CACNA2D4: variants seen among roughly 807,000 people sequenced by gnomAD.
CACNA2D4 encodes calcium voltage-gated channel auxiliary subunit alpha2delta 4.
In CACNA2D4, 157 loss-of-function variants were observed where a neutral mutation model predicts 163.8. That is an observed-to-expected ratio of 0.96 (90% CI 0.84 to 1.09). The LOEUF (loss-of-function observed/expected upper bound fraction) is 1.09. CACNA2D4 is among the 50% of genes least tolerant of loss of function. The pLI, the probability that CACNA2D4 is intolerant of heterozygous loss-of-function variation, is 0.00. For synonymous variants in CACNA2D4, 598 were observed against 586.9 expected (o/e 1.02, Z -0.27); for missense variants, 1,410 against 1,479.9 (o/e 0.95, Z 0.78).
intron 23 of CACNA2D4, among the ~76,000 whole-genome samples, chr12:1,847,480 G>A (rs1865173087): frequency 6.6e-6 from 1 of 152,152 alleles, no homozygotes; most frequent in Non-Finnish European, 1.5e-5. Context: ...GGTGGTACCC[G>A]GGACTGTAGT....
chr12:1,797,464 C>A lies in CACNA2D4; in HGVS notation c.3067G>T (p.Ala1023Ser). The change falls in exon 35 of 38, where the codon GCC becomes TCC. Residue 1023 changes from alanine (A) to serine (S), a missense_variant. By Grantham distance (99) the Ala-to-Ser change is moderately conservative (BLOSUM62 1). Transcript: ENST00000382722. ...TEYPVFVYQPAIREANGIVEC... is the reference protein window; with the variant it reads ...TEYPVFVYQPSIREANGIVEC... ...ACGATCCCGTTGGCCTCCCGGATGG[C>A]CGGCTGGTACACGAACACGGGGTAC... 1 of 1,583,930 alleles carries A rather than the reference C, an allele frequency of 6.3e-7. No individual in the cohort carries two copies. The highest frequency in any genetic ancestry group is 2.3e-5 in the East Asian group (1 of 43,466).
intron 1 of CACNA2D4, 38 bp downstream of exon 1, chr12:1,918,209 G>T (rs1592758225): frequency 6.8e-7 from 1 of 1,476,128 alleles, no homozygotes; most frequent in South Asian, 1.2e-5. Context: ...GGGAAAGGGT[G>T]ACCGGGTTTT....
rs1209435238 is a variant in CACNA2D4 at position 1,846,586 on chromosome 12, C to T, written c.2342+8G>A. 1.3e-6 allele frequency: 2 copies of T among 1,585,938 alleles called. No individual in the cohort carries two copies. Among genetic ancestry groups the T allele is most frequent in the South Asian group, 1.1e-5 (1 of 87,384 alleles). Reference sequence around the variant, plus strand: ...GATTGCCCTCCCGAGGTGGCCGGCCCAACCCACCTGTCGGAGACCTTCTCG... The same window carrying T: ...GATTGCCCTCCCGAGGTGGCCGGCCTAACCCACCTGTCGGAGACCTTCTCG... On this transcript the variant is annotated splice_region_variant and intron_variant, in intron 24 of 37. Transcript: ENST00000382722.
chr12:1,896,654 C>CACACAA (rs1555186444), intron 6 of CACNA2D4, among the ~76,000 whole-genome samples: 3 of 124,000 alleles, frequency 2.4e-5, no homozygotes, highest in African/African-American at 5.9e-5. Context: ...CACACACACA[C>CACACAA]AAAACAGATG....
chr12:1,884,178 G>C, intron 12 of CACNA2D4, 65 bp downstream of exon 12: 1 of 1,478,472 alleles, frequency 6.8e-7, no homozygotes, highest in Non-Finnish European at 9.3e-7. Context: ...CACTTCCAGG[G>C]CTGGGTAACC....
intron 6 of CACNA2D4, among the ~76,000 whole-genome samples, chr12:1,902,163 T>TTCC (rs1196680008): frequency 2.7e-5 from 4 of 149,882 alleles, no homozygotes; most frequent in African/African-American, 1.0e-4. Context: ...AATTCAACAT[T>TTCC]TCTTCATGGT....
chr12:1,840,452 GT>G lies in CACNA2D4; in HGVS notation c.2551+286del, dbSNP rs1485861349. Among the ~76,000 whole-genome samples the G allele has an allele frequency of 1.5e-3, 207 of 133,906 alleles. 2 individuals are homozygous for G. Among genetic ancestry groups the G allele is most frequent in the Middle Eastern group, 7.8e-3 (2 of 256 alleles). The allele number at this position is 133,906 out of a possible 152,430, so 87.8% of individuals were successfully genotyped here. A position where few individuals can be genotyped will look rare whatever the true frequency, so the allele number is the denominator to read the frequency against. On this transcript the variant is annotated intron_variant, in intron 26 of 37. Transcript: ENST00000382722. ...TATATTATGTGGAAGAGGGGGGTGG[GT>G]GGGGGGCGGCGGGGGGCTGGGCTGC... is the stretch of plus-strand genomic sequence containing the variant.
chr12:1,841,350 A>G (rs1185000886), intron 25 of CACNA2D4, among the ~76,000 whole-genome samples: 1 of 152,152 alleles, frequency 6.6e-6, no homozygotes, highest in African/African-American at 2.4e-5. Context: ...CGGGTCTTTC[A>G]CTTGCTTCTC....
At chr12:1,866,055 T>C (rs189670252) in intron 18 of CACNA2D4, among the ~76,000 whole-genome samples, 6 of 152,350 alleles carry the variant, frequency 3.9e-5, no homozygotes, top group Admixed American at 3.3e-4. Context: ...CAAGGCTGAA[T>C]AGAAGTGGTG....
At chr12:1,831,566 C>A in intron 26 of CACNA2D4, 8 of 1,522,674 alleles carry the variant, frequency 5.3e-6, no homozygotes, top group Non-Finnish European at 7.2e-6. Context: ...GGGATTGGGA[C>A]GATCACCTCT....
chr12:1,883,920 T>C lies in CACNA2D4; in HGVS notation c.1351+323A>G, dbSNP rs1866069378. 2.9e-6 allele frequency: 1 copy of C among 349,240 alleles called. No homozygotes were observed. The highest frequency in any genetic ancestry group is 2.0e-5 in the African/African-American group (1 of 49,208). 21.6% of individuals were successfully genotyped at this position (349,240 alleles called of 1,614,324 possible). The stretch of plus-strand genomic sequence containing the variant: ...TTTTTGTTGAATCAATGGGGTCTGG[T>C]CAGAGATAGATGAGGACCATTCACA... On this transcript the variant is annotated intron_variant, in intron 12 of 37. Transcript: ENST00000382722. The surrounding 1 kb of genome is among the most constrained non-coding windows in gnomAD (Gnocchi z 4.5).
chr12:1,811,231 C>T (rs1295893244), intron 27 of CACNA2D4, among the ~76,000 whole-genome samples: 1 of 152,156 alleles, frequency 6.6e-6, no homozygotes, highest in East Asian at 1.9e-4. Flanking sequence ...GACCTGAGGG[C>T]TCTGGGGAAG....
Position 1,854,031 on chromosome 12 carries a change from C to A in CACNA2D4, c.2166G>T (p.Leu722=). ...CCGCGTCAAACAGCACCTCCCGGAC[C>A]AGCTCCTCGTCACCTGGGTGCAAAA... ...KDPDLECDEE[L]VREVLFDAVV... is the part of the protein sequence containing the mutation. The change falls in exon 23 of 38, where the codon CTG becomes CTT. Residue 722 remains leucine (L), a synonymous_variant. Coordinates refer to ENST00000382722, the MANE Select transcript of CACNA2D4 (RefSeq NM_172364.5). The A allele has an allele frequency of 6.2e-7, 1 of 1,610,686 alleles. No homozygotes were observed. Among genetic ancestry groups the A allele is most frequent in the Non-Finnish European group, 8.5e-7 (1 of 1,178,072 alleles).
chr12:1,882,186 G>A (rs902555729), intron 13 of CACNA2D4, among the ~76,000 whole-genome samples: 3 of 152,224 alleles, frequency 2.0e-5, no homozygotes, highest in Admixed American at 1.3e-4. Context: ...GAGGAGCCTG[G>A]GTCCCTGATG....
intron 26 of CACNA2D4, among the ~76,000 whole-genome samples, chr12:1,818,161 CT>C (rs765659079): frequency 6.4e-4 from 96 of 149,594 alleles, no homozygotes; most frequent in Non-Finnish European, 1.1e-3. Flanking sequence ...TGAGGAGCCC[CT>C]CCGCCCGGCA....
rs1230700511 is a variant in CACNA2D4 at position 1,833,609 on chromosome 12, G to A, written c.2551+7130C>T. On this transcript the variant is annotated intron_variant, in intron 26 of 37. Transcript: ENST00000382722. The surrounding 1 kb of genome is among the most constrained non-coding windows in gnomAD (Gnocchi z 4.2). ...CTTACAGGGCTGTGGTTGGGGCACC[G>A]ATGGGGCCATTGGATTGCTCCTAAG... Among the ~76,000 whole-genome samples, 2 of 152,194 alleles carry A rather than the reference G, an allele frequency of 1.3e-5. No homozygotes were observed. The highest frequency in any genetic ancestry group is 2.1e-4 in the South Asian group (1 of 4,832).
chr12:1,864,411 C>G (rs186146062), intron 18 of CACNA2D4, among the ~76,000 whole-genome samples: 21 of 152,166 alleles, frequency 1.4e-4, no homozygotes, highest in African/African-American at 4.8e-4. Context: ...AAATTAACAC[C>G]GTCATTTCCA....
chr12:1,847,997 A>G (rs545190444), intron 23 of CACNA2D4, among the ~76,000 whole-genome samples: 1 of 152,168 alleles, frequency 6.6e-6, no homozygotes, highest in Non-Finnish European at 1.5e-5. Context: ...AGGCTCACGC[A>G]TGGCAACGGG....
At chr12:1,872,412 G>C (rs187748707) in intron 18 of CACNA2D4, among the ~76,000 whole-genome samples, 84 of 152,334 alleles carry the variant, frequency 5.5e-4, no homozygotes, top group African/African-American at 1.9e-3. Flanking sequence ...CACGGCAGGC[G>C]GTCCTGTACC....
Sources: gnomAD v4.1 joint callset for allele counts (sites outside exome capture counted in the v4.1 genomes callset) on GRCh38, gnomAD v4.1.1 for gene constraint, Gnocchi (gnomAD v3.1) non-coding constraint, MANE v1.5 for transcripts, NCBI Gene and HGNC (gene_info 2026-07-23, HGNC 2026-07-21) for gene names.